Variants in CHL1 observed in about 807,000 individuals in gnomAD.
CHL1 encodes the protein cell adhesion molecule L1 like, also known as neural cell adhesion molecule L1-like protein.
A neutral mutation model predicts 141.9 loss-of-function variants in CHL1; 96 were observed. That is an observed-to-expected ratio of 0.68 (90% CI 0.57 to 0.80). The LOEUF (loss-of-function observed/expected upper bound fraction) is 0.80. Among genes scored for constraint, CHL1 ranks in the 30% least tolerant of loss-of-function variants. The pLI is 0.00. For synonymous variants in CHL1, 613 were observed against 502.2 expected (o/e 1.22, Z -2.95); for missense variants, 1,820 against 1,457.2 (o/e 1.25, Z -4.05).
intron 9 of CHL1, among the ~76,000 whole-genome samples, chr3:346,358 A>G (rs1424042750): frequency 6.6e-6 from 1 of 152,236 alleles, no homozygotes; most frequent in Non-Finnish European, 1.5e-5. Flanking sequence ...TTGAATCATG[A>G]TGGCAACAAC....
chr3:321,790 G>A (rs775060284), intron 3 of CHL1, among the ~76,000 whole-genome samples: 9 of 151,904 alleles, frequency 5.9e-5, no homozygotes, highest in Non-Finnish European at 8.8e-5. Context: ...TTATTTCAGG[G>A]CTCTAGAGCA....
chr3:206,008 C>T (rs1479721069), intron 1 of CHL1, among the ~76,000 whole-genome samples: 3 of 152,234 alleles, frequency 2.0e-5, no homozygotes, highest in South Asian at 2.1e-4. Flanking sequence ...GCAGGATTCT[C>T]CAGCTATGGT....
intron 1 of CHL1, among the ~76,000 whole-genome samples, chr3:206,320 T>C (rs1699440182): frequency 1.3e-5 from 2 of 151,658 alleles, no homozygotes; most frequent in Non-Finnish European, 2.9e-5. Context: ...ATACAAAAAT[T>C]AGCTGGGCAT....
chr3:222,591 C>G (rs953964735), intron 1 of CHL1, among the ~76,000 whole-genome samples: 1 of 152,064 alleles, frequency 6.6e-6, no homozygotes, highest in Non-Finnish European at 1.5e-5. Context: ...CTTGGGAAAA[C>G]GAATAGATGG....
At chr3:290,060 T>C (rs965258899) in intron 2 of CHL1, among the ~76,000 whole-genome samples, 2 of 151,306 alleles carry the variant, frequency 1.3e-5, no homozygotes, top group African/African-American at 4.9e-5. Flanking sequence ...TTCAACACAG[T>C]TTTTTTCTCT....
chr3:210,276 G>A (rs1699798205), intron 1 of CHL1, among the ~76,000 whole-genome samples: 2 of 152,230 alleles, frequency 1.3e-5, no homozygotes, highest in Non-Finnish European at 2.9e-5. Context: ...CCTTTAAACA[G>A]TAACTTCAAA....
At chr3:349,134 G>A (rs1356032998) in intron 9 of CHL1, among the ~76,000 whole-genome samples, 1 of 152,164 alleles carries the variant, frequency 6.6e-6, no homozygotes, top group Non-Finnish European at 1.5e-5. Context: ...GACTTCCAAG[G>A]AGACAGACCA....
chr3:310,201 G>A lies in CHL1; in HGVS notation c.-94-9482G>A, dbSNP rs142533238. Among the ~76,000 whole-genome samples the A allele has an allele frequency of 2.3e-3, 357 of 152,256 alleles. 2 individuals are homozygous for A. Among genetic ancestry groups the A allele is most frequent in the African/African-American group, 7.8e-3 (324 of 41,536 alleles). ...GGCTAGCACTTTGGGAGGTCGAGGT[G>A]GGAGGATCATTTAAGGCCAGGAGTT... On this transcript the variant is annotated intron_variant, in intron 2 of 27. Coordinates refer to ENST00000256509, the MANE Select transcript of CHL1 (RefSeq NM_006614.4).
intron 2 of CHL1, among the ~76,000 whole-genome samples, chr3:260,698 T>C (rs1694639334): frequency 6.6e-6 from 1 of 152,210 alleles, no homozygotes; most frequent in Non-Finnish European, 1.5e-5. Flanking sequence ...TTCAAAATGC[T>C]AATCTTTGAA....
chr3:302,179 G>C (rs992339833), intron 2 of CHL1, among the ~76,000 whole-genome samples: 1 of 152,164 alleles, frequency 6.6e-6, no homozygotes, highest in Non-Finnish European at 1.5e-5. Context: ...CCAAGTCTTT[G>C]CTATTGTGAA....
intron 2 of CHL1, among the ~76,000 whole-genome samples, chr3:268,234 T>C (rs902420125): frequency 3.9e-5 from 6 of 152,204 alleles, no homozygotes; most frequent in African/African-American, 1.4e-4. Context: ...GAAGAAAATG[T>C]ATTGAAAATG....
chr3:286,649 A>G (rs1697184001), intron 2 of CHL1, among the ~76,000 whole-genome samples: 1 of 151,626 alleles, frequency 6.6e-6, no homozygotes, highest in African/African-American at 2.4e-5. Flanking sequence ...AAAGTAAAGG[A>G]ATAAAAGAAT....
intron 9 of CHL1, among the ~76,000 whole-genome samples, chr3:345,611 G>T (rs1267998781): frequency 1.3e-5 from 2 of 152,064 alleles, no homozygotes; most frequent in African/African-American, 2.4e-5. Context: ...AGCCTCCTGA[G>T]TAGCTGAAGC....
At chr3:202,806 A>G (rs1319920656) in intron 1 of CHL1, among the ~76,000 whole-genome samples, 1 of 152,226 alleles carries the variant, frequency 6.6e-6, no homozygotes, top group African/African-American at 2.4e-5. Context: ...GAAGATCTCA[A>G]ATGTGCTTTT....
chr3:348,297 C>T (rs1276917704), intron 9 of CHL1, among the ~76,000 whole-genome samples: 3 of 152,080 alleles, frequency 2.0e-5, no homozygotes, highest in Non-Finnish European at 2.9e-5. Flanking sequence ...CAATAATATG[C>T]CCATCTTTAG....
intron 1 of CHL1, chr3:213,133 G>A (rs896671872): frequency 1.3e-5 from 2 of 152,156 alleles, no homozygotes; most frequent in South Asian, 4.1e-4. Context: ...TTATAAAATA[G>A]GGAGATTAGA....
At chr3:239,767 C>T (rs1692375047) in intron 1 of CHL1, among the ~76,000 whole-genome samples, 1 of 151,742 alleles carries the variant, frequency 6.6e-6, no homozygotes, top group African/African-American at 2.4e-5. Context: ...CCCACCCTTT[C>T]CCCCAAGTCC....
chr3:300,711 A>C lies in CHL1; in HGVS notation c.-94-18972A>C, dbSNP rs186635268. Among the ~76,000 whole-genome samples the C allele has an allele frequency of 1.0e-3, 155 of 152,274 alleles. 1 individual carries two copies. The highest frequency in any genetic ancestry group is 3.6e-3 in the African/African-American group (148 of 41,562). ...AGCATCATAAGACATTACACTAGTG[A>C]ATGTATAATTTGAAACTGAGATAAG... is the stretch of plus-strand genomic sequence containing the variant. On this transcript the variant is annotated intron_variant, in intron 2 of 27. Coordinates refer to ENST00000256509, the MANE Select transcript of CHL1 (RefSeq NM_006614.4).
chr3:349,738 A>G (rs949429881), intron 10 of CHL1, among the ~76,000 whole-genome samples, 195 bp downstream of exon 10: 3 of 152,236 alleles, frequency 2.0e-5, no homozygotes, highest in African/African-American at 7.2e-5. Context: ...CATAGAAGGG[A>G]CAAATGACAA....
Sources: allele counts gnomAD v4.1 joint callset (sites outside exome capture counted in the v4.1 genomes callset), GRCh38; gene constraint gnomAD v4.1.1; transcripts MANE v1.5; gene names NCBI Gene and HGNC (gene_info 2026-07-23, HGNC 2026-07-21).